RUBCNL: variants seen among roughly 807,000 people sequenced by gnomAD.
RUBCNL encodes the protein protein associated with UVRAG as autophagy enhancer.
RUBCNL carries 62 observed loss-of-function variants against 69.5 expected under a neutral mutation model. The ratio of observed to expected loss-of-function variants is 0.89; its 90% CI spans 0.73 to 1.10. The LOEUF is 1.10. Ranked by LOEUF, RUBCNL falls within the 50% of genes least tolerant of loss-of-function variation. RUBCNL has a pLI of 0.00. For synonymous variants in RUBCNL, 291 were observed against 303.6 expected (o/e 0.96, Z 0.43); for missense variants, 768 against 798.1 (o/e 0.96, Z 0.45).
upstream of RUBCNL, chr13:46,387,874 G>GAGAA: frequency 2.0e-6 from 2 of 984,394 alleles, no homozygotes; most frequent in South Asian, 9.4e-5. Flanking sequence ...GTGGTGCTAG[G>GAGAA]AGAACCTGCC....
chr13:46,345,344 G>A (rs891822127), intron 13 of RUBCNL, 103 bp downstream of exon 13: 6 of 1,360,260 alleles, frequency 4.4e-6, no homozygotes, highest in Non-Finnish European at 5.0e-6. Context: ...TAGGTCACCG[G>A]CACTTCCCTC....
chr13:46,336,385 A>T lies in RUBCNL; in HGVS notation c.*7000T>A, dbSNP rs894278601. On this transcript the variant is annotated 3_prime_UTR_variant, in exon 15 of 15. Transcript: ENST00000429979. ...AAGTTGTATAGTACTGATCTCATTT[A>T]TCATCTGTAATTTGTCATTAGTTTA... 6.6e-6 allele frequency among the ~76,000 whole-genome samples: 1 copy of T among 152,180 alleles called. No homozygotes were observed. Among genetic ancestry groups the T allele is most frequent in the African/African-American group, 2.4e-5 (1 of 41,444 alleles).
intron 10 of RUBCNL, chr13:46,350,639 A>C (rs1033288396): frequency 1.2e-5 from 4 of 321,596 alleles, no homozygotes. Flanking sequence ...CAGTGTAGCA[A>C]AAGGAACATT....
In RUBCNL at chr13:46,371,976, A is replaced by G. The variant is rs141129345; in HGVS notation, c.500T>C (p.Phe167Ser). 2.5e-6 allele frequency: 4 copies of G among 1,614,028 alleles called. No individual in the cohort carries two copies. Among genetic ancestry groups the G allele is most frequent in the Admixed American group, 3.3e-5 (2 of 60,020 alleles). The change falls in exon 3 of 15, where the codon TTT becomes TCT. Residue 167 changes from phenylalanine to serine, a missense_variant. Phe to Ser is a radical substitution (Grantham distance 155). Coordinates refer to ENST00000429979, the MANE Select transcript of RUBCNL (RefSeq NM_025113.5). ...SPYPETDSAFFEPSHLTSAAD... is the reference protein window; with the variant it reads ...SPYPETDSAFSEPSHLTSAAD... The stretch of plus-strand genomic sequence containing the variant: ...AGCAGATGTCAGATGGGAAGGCTCA[A>G]AAAAAGCACTGTCAGTCTCAGGATA...
chr13:46,385,406 T>C (rs931267552), intron 1 of RUBCNL: 2 of 256,232 alleles, frequency 7.8e-6, no homozygotes, highest in African/African-American at 4.6e-5. Context: ...TCTGGAAGGC[T>C]GGACATACTT....
chr13:46,351,619 A>G (rs771478339), intron 10 of RUBCNL, among the ~76,000 whole-genome samples: 4 of 152,146 alleles, frequency 2.6e-5, no homozygotes, highest in African/African-American at 7.2e-5. Flanking sequence ...TGCACTCAAC[A>G]TGAAATGCTG....
At chr13:46,362,923 CATATATATAT>C (rs770827606) in intron 6 of RUBCNL, among the ~76,000 whole-genome samples, 182 bp downstream of exon 6, 1 of 88,038 alleles carries the variant, frequency 1.1e-5, no homozygotes, top group African/African-American at 4.7e-5. Context: ...ACAAGAACAT[CATATATATAT>C]ATATAGATAT....
rs373058780 is a variant in RUBCNL, at chr13:46,356,432, T to C, written c.1330A>G (p.Lys444Glu). The C allele has an allele frequency of 6.8e-6, 11 of 1,613,894 alleles. No individual in the cohort carries two copies. Among genetic ancestry groups the C allele is most frequent in the Non-Finnish European group, 9.3e-6 (11 of 1,179,834 alleles). ...CAGGCGATCCATTATCCGTACTTAC[T>C]AGGCTCTACTGGAGTTCCACAGCCG... ...CAGCGTPVEP[K>E]FVKRLRYCEY... Residue 444 changes from lysine (K) to glutamate (E), a missense_variant and splice_region_variant, in exon 10 of 15, where the codon AAG becomes GAG. Transcript: ENST00000429979.
chr13:46,361,218 C>T (rs2048602915), intron 8 of RUBCNL, among the ~76,000 whole-genome samples: 1 of 152,120 alleles, frequency 6.6e-6, no homozygotes, highest in Non-Finnish European at 1.5e-5. Flanking sequence ...GAGCAAGAAT[C>T]CGTCTCAAAA....
Position 46,372,190 on chromosome 13 carries a change from C to G in RUBCNL, c.286G>C (p.Gly96Arg). Reference sequence around the variant, plus strand: ...AACGTTGTCTCTGCCAGGGAGTCCCCGAGGCACGAAGGTGAAGGGCCTGAG... The same window carrying G: ...AACGTTGTCTCTGCCAGGGAGTCCCGGAGGCACGAAGGTGAAGGGCCTGAG... Reference protein sequence around the residue: ...SPSGPSPSCLGDSLAETTLSE... With the variant: ...SPSGPSPSCLRDSLAETTLSE... The change falls in exon 3 of 15, where the codon GGG becomes CGG. Residue 96 changes from glycine to arginine, a missense_variant. Transcript: ENST00000429979. 1 of 1,613,980 alleles carries G rather than the reference C, an allele frequency of 6.2e-7. No individual in the cohort carries two copies. The highest frequency in any genetic ancestry group is 1.1e-5 in the South Asian group (1 of 91,086).
intron 10 of RUBCNL, among the ~76,000 whole-genome samples, chr13:46,354,605 T>A (rs527911249): frequency 1.9e-4 from 29 of 152,306 alleles, no homozygotes; most frequent in Admixed American, 1.6e-3. Flanking sequence ...CACAGGCCCT[T>A]TGCACATGAC....
intron 2 of RUBCNL, among the ~76,000 whole-genome samples, chr13:46,375,563 A>G (rs1456872354): frequency 6.6e-6 from 1 of 152,060 alleles, no homozygotes; most frequent in Non-Finnish European, 1.5e-5. Context: ...TAGAGAAAAG[A>G]CCTCTGTGGC....
At chr13:46,373,759 A>G (rs2048930328) in intron 2 of RUBCNL, among the ~76,000 whole-genome samples, 1 of 152,270 alleles carries the variant, frequency 6.6e-6, no homozygotes, top group Non-Finnish European at 1.5e-5. Context: ...GGAGTCAATT[A>G]CAGGGCTGTA....
At chr13:46,376,783 A>C (rs1347430226) in intron 2 of RUBCNL, among the ~76,000 whole-genome samples, 2 of 152,232 alleles carry the variant, frequency 1.3e-5, no homozygotes, top group Non-Finnish European at 1.5e-5. Flanking sequence ...TCAGACCAGA[A>C]GATATGTTTT....
chr13:46,373,337 T>C (rs2048920204), intron 2 of RUBCNL, among the ~76,000 whole-genome samples: 1 of 152,348 alleles, frequency 6.6e-6, no homozygotes. Flanking sequence ...GGCAAAGTGG[T>C]ACATAAAACA....
intron 2 of RUBCNL, among the ~76,000 whole-genome samples, chr13:46,377,006 C>T (rs2049008815): frequency 6.6e-6 from 1 of 151,738 alleles, no homozygotes; most frequent in South Asian, 2.1e-4. Flanking sequence ...CAATGAACAT[C>T]CTTGTTCATG....
At chr13:46,362,505 G>A (rs1245093171) in intron 7 of RUBCNL, 33 bp downstream of exon 7, 5 of 1,522,898 alleles carry the variant, frequency 3.3e-6, no homozygotes, top group Non-Finnish European at 4.5e-6. Context: ...ACAGCCCAAG[G>A]GTCTATGTGC....
At chr13:46,379,053 C>A (rs749122631) in intron 1 of RUBCNL, among the ~76,000 whole-genome samples, 7 of 152,042 alleles carry the variant, frequency 4.6e-5, no homozygotes, top group Admixed American at 3.9e-4. Flanking sequence ...TGACTAGTAC[C>A]CCCCAGAATG....
In RUBCNL at chr13:46,343,433, G is replaced by C; in HGVS notation, c.1941C>G (p.Ile647Met). The change falls in exon 15 of 15, where the codon ATC becomes ATG. Residue 647 changes from isoleucine to methionine, a missense_variant. By Grantham distance (10) the Ile-to-Met change is conservative. Transcript: ENST00000429979. Reference sequence around the variant, plus strand: ...TTTCCAGAAGTTTTCTCCTCGCTGTGATCCTCGCACACCGGGGGCACTCGG... The same window carrying C: ...TTTCCAGAAGTTTTCTCCTCGCTGTCATCCTCGCACACCGGGGGCACTCGG... ...QSSECPRCAR[I>M]TARRKLLESV... The C allele has an allele frequency of 6.2e-7, 1 of 1,613,938 alleles. No homozygotes were observed. The highest frequency in any genetic ancestry group is 8.5e-7 in the Non-Finnish European group (1 of 1,179,884).
Sources: gnomAD v4.1 joint callset for allele counts (sites outside exome capture counted in the v4.1 genomes callset) on GRCh38, gnomAD v4.1.1 for gene constraint, MANE v1.5 for transcripts, NCBI Gene and HGNC (gene_info 2026-07-23, HGNC 2026-07-21) for gene names.